The following DLG2 variants were observed in gnomAD, a reference collection of about 807,000 sequenced individuals.
DLG2 encodes disks large homolog 2.
In DLG2, 45 loss-of-function variants were observed where a neutral mutation model predicts 132.5. That is an observed-to-expected ratio of 0.34 (90% CI 0.27 to 0.44). The LOEUF is 0.44. DLG2 is among the 20% of genes least tolerant of loss of function. The probability of loss-of-function intolerance (pLI) is 1.00; values close to 1 mark genes in which losing one functional copy is unlikely to be tolerated. For missense variants in DLG2, 1,045 were observed against 1,196.9 expected (o/e 0.87, Z 1.87); for synonymous variants, 424 against 419.6 (o/e 1.01, Z -0.13).
chr11:83,707,319 G>A (rs1411090419), intron 18 of DLG2, among the ~76,000 whole-genome samples: 1 of 152,214 alleles, frequency 6.6e-6, no homozygotes, highest in Non-Finnish European at 1.5e-5. Flanking sequence ...TGAAGGTAGA[G>A]ATTGTGCCTT....
chr11:83,751,528 T>C (rs2093310719), intron 18 of DLG2, among the ~76,000 whole-genome samples: 1 of 152,122 alleles, frequency 6.6e-6, no homozygotes, highest in Admixed American at 6.5e-5. Flanking sequence ...ACCCAGGTAA[T>C]GAATGATAGT....
intron 7 of DLG2, among the ~76,000 whole-genome samples, chr11:84,362,518 T>A (rs953857308): frequency 6.6e-6 from 1 of 151,590 alleles, no homozygotes; most frequent in South Asian, 2.1e-4. Flanking sequence ...ATTTTTTTTT[T>A]ATTATTATAC....
intron 3 of DLG2, among the ~76,000 whole-genome samples, chr11:85,373,727 A>G (rs556509186): frequency 6.6e-6 from 1 of 152,044 alleles, no homozygotes; most frequent in East Asian, 1.9e-4. Context: ...TTCCCTTTTC[A>G]TGCAATAAAA....
chr11:84,393,769 T>A (rs2098801193), intron 7 of DLG2, among the ~76,000 whole-genome samples: 1 of 152,218 alleles, frequency 6.6e-6, no homozygotes, highest in African/African-American at 2.4e-5. Context: ...TGGTCACCCT[T>A]GAAATTATAA....
At chr11:84,360,862 C>T (rs936044277) in intron 7 of DLG2, among the ~76,000 whole-genome samples, 1 of 151,632 alleles carries the variant, frequency 6.6e-6, no homozygotes, top group Non-Finnish European at 1.5e-5. Flanking sequence ...TAAAAATGTG[C>T]TTTACATATG....
chr11:84,312,692 T>A (rs1330174804), intron 7 of DLG2, among the ~76,000 whole-genome samples: 1 of 152,240 alleles, frequency 6.6e-6, no homozygotes, highest in Non-Finnish European at 1.5e-5. Context: ...TTGTATATCA[T>A]GGTATACATG....
intron 5 of DLG2, among the ~76,000 whole-genome samples, chr11:85,140,561 A>AT (rs796341642): frequency 0.022 from 3,231 of 145,776 alleles, 57 homozygotes; most frequent in Admixed American, 0.039. Context: ...TCAGGAACTT[A>AT]TTTTTTTTTT....
In DLG2 at chr11:83,984,631, G is replaced by A. The variant is rs78413675; in HGVS notation, c.920-3989C>T. On this transcript the variant is annotated intron_variant, in intron 11 of 27. Transcript: ENST00000376104. ...AGCATCTCCTGAGTACATACTGTGC[G>A]TTGTATTACCTGCTGCTATCGAGCA... Among the ~76,000 whole-genome samples, 281 of 152,098 alleles carry A rather than the reference G, an allele frequency of 1.8e-3. 8 individuals are homozygous for A. The East Asian group carries it at 0.041, about 22-fold the overall frequency.
intron 4 of DLG2, among the ~76,000 whole-genome samples, chr11:85,191,245 C>T (rs1566987248): frequency 1.3e-5 from 2 of 148,970 alleles, no homozygotes; most frequent in Admixed American, 6.7e-5. Flanking sequence ...AACAAAATGG[C>T]GTATGGTGTA....
At chr11:84,309,569 C>T (rs964570305) in intron 7 of DLG2, among the ~76,000 whole-genome samples, 2 of 152,188 alleles carry the variant, frequency 1.3e-5, no homozygotes, top group Admixed American at 6.5e-5. Context: ...AGATTCCATA[C>T]AGTTCTGATA....
At chr11:83,587,700 G>A (rs1049418681) in intron 19 of DLG2, among the ~76,000 whole-genome samples, 4 of 152,182 alleles carry the variant, frequency 2.6e-5, no homozygotes, top group East Asian at 1.9e-4. Context: ...CGCAGAAGAC[G>A]GGTGATTTCT....
chr11:83,523,801 A>T (rs2095540988), intron 21 of DLG2, among the ~76,000 whole-genome samples: 1 of 152,216 alleles, frequency 6.6e-6, no homozygotes, highest in Admixed American at 6.5e-5. Flanking sequence ...CAGAGAACTC[A>T]GAAACCATCT....
chr11:83,609,505 G>A lies in DLG2; in HGVS notation c.1940+23706C>T, dbSNP rs368267135. Among the ~76,000 whole-genome samples the A allele has an allele frequency of 1.4e-4, 22 of 152,224 alleles. No homozygotes were observed. In the East Asian group the frequency reaches 3.3e-3, roughly 23 times the overall value. On this transcript the variant is annotated intron_variant, in intron 19 of 27. Coordinates refer to ENST00000376104, the MANE Select transcript of DLG2 (RefSeq NM_001142699.3). ...AGCTGGCTTGAGTTTTAGTTACAAT[G>A]TACACAAAGTAGGAGAATCTGATTT...
intron 7 of DLG2, among the ~76,000 whole-genome samples, chr11:84,509,891 G>A (rs994314692): frequency 1.7e-4 from 26 of 151,744 alleles, no homozygotes; most frequent in Admixed American, 2.6e-4. Context: ...TTGAGAAAGG[G>A]AAAGAGATAT....
intron 12 of DLG2, among the ~76,000 whole-genome samples, chr11:83,978,070 C>T (rs2092435633): frequency 6.6e-6 from 1 of 151,844 alleles, no homozygotes; most frequent in South Asian, 2.1e-4. Flanking sequence ...CTATTTTGTC[C>T]TAACTAGACT....
chr11:83,736,051 T>TAG lies in DLG2; in HGVS notation c.1825+50637_1825+50638dup, dbSNP rs546235896. Among the ~76,000 whole-genome samples, 60 of 152,336 alleles carry TAG rather than the reference T, an allele frequency of 3.9e-4. No homozygotes were observed. In the East Asian group the frequency reaches 6.0e-3, roughly 15 times the overall value. On this transcript the variant is annotated intron_variant, in intron 18 of 27. Transcript: ENST00000376104. Reference sequence around the variant, plus strand: ...GGACAGTATAAAACTACAGATCTGTTAGGTCACAAACTGTCAAATATTGAC... The same window carrying TAG: ...GGACAGTATAAAACTACAGATCTGTTAGAGGTCACAAACTGTCAAATATTGAC...
intron 18 of DLG2, among the ~76,000 whole-genome samples, chr11:83,712,625 A>G (rs2085712843): frequency 6.6e-6 from 1 of 152,080 alleles, no homozygotes; most frequent in African/African-American, 2.4e-5. Context: ...ACATAAATCC[A>G]TCTCAAAAAA....
At chr11:84,015,645 C>T (rs933089737) in intron 11 of DLG2, among the ~76,000 whole-genome samples, 9 of 152,102 alleles carry the variant, frequency 5.9e-5, no homozygotes, top group African/African-American at 2.2e-4. Flanking sequence ...ATTTGGTTTT[C>T]TGTTCTTGTG....
chr11:83,753,015 C>G (rs2093400278), intron 18 of DLG2, among the ~76,000 whole-genome samples: 1 of 152,128 alleles, frequency 6.6e-6, no homozygotes, highest in South Asian at 2.1e-4. Context: ...CTTGAGGGGA[C>G]AGTGAATTTA....
Sources: gnomAD v4.1 joint callset for allele counts (sites outside exome capture counted in the v4.1 genomes callset) on GRCh38, gnomAD v4.1.1 for gene constraint, MANE v1.5 for transcripts, NCBI Gene and HGNC (gene_info 2026-07-23, HGNC 2026-07-21) for gene names.